VAC14: variants seen among roughly 807,000 people sequenced by gnomAD.
VAC14 encodes the protein VAC14 component of PIKFYVE complex.
VAC14 carries 47 observed loss-of-function variants against 85.3 expected under a neutral mutation model. The observed-to-expected ratio is 0.55, with a 90% CI of 0.44 to 0.70. VAC14 has a LOEUF of 0.70. VAC14 is among the 30% of genes least tolerant of loss of function. The pLI, the probability that VAC14 is intolerant of heterozygous loss-of-function variation, is 0.00. For missense variants in VAC14, 861 were observed against 1,004.3 expected (o/e 0.86, Z 1.93); for synonymous variants, 447 against 430.5 (o/e 1.04, Z -0.47).
rs912205556 is a variant in VAC14 at position 70,784,893 on chromosome 16, C to G, written c.424-55G>C. The G allele has an allele frequency of 4.3e-5, 65 of 1,517,404 alleles. No homozygotes were observed. The Admixed American group carries it at 1.1e-3, about 25-fold the overall frequency. The allele number at this position is 1,517,404 out of a possible 1,614,324, so 94.0% of individuals were successfully genotyped here. ...CAGAGGCGAGGGTCACGGTTGGATG[C>G]AAGACCAGGGATTTCCTGCAAATCC... is the stretch of plus-strand genomic sequence containing the variant. On this transcript the variant is annotated intron_variant, in intron 3 of 18. Coordinates refer to ENST00000261776, the MANE Select transcript of VAC14 (RefSeq NM_018052.5).
chr16:70,790,874 C>T (rs2034303970), intron 1 of VAC14, among the ~76,000 whole-genome samples: 1 of 152,206 alleles, frequency 6.6e-6, no homozygotes, highest in Non-Finnish European at 1.5e-5. Context: ...TTCTTCATCT[C>T]CAGGAAAACA....
intron 17 of VAC14, among the ~76,000 whole-genome samples, chr16:70,693,374 TCTCCAGTTGG>T (rs2142986722): frequency 6.6e-6 from 1 of 152,284 alleles, no homozygotes; most frequent in South Asian, 2.1e-4. Flanking sequence ...TGTAACATAT[TCTCCAGTTGG>T]CTCCACACGT....
intron 14 of VAC14, chr16:70,714,059 T>G (rs2054096260): frequency 6.6e-6 from 1 of 152,210 alleles, no homozygotes. Context: ...ACTCGGCAGC[T>G]GCTCCAGCGC....
rs1160850694 is a variant in VAC14, at chr16:70,692,952, C to T, written c.2055G>A (p.Leu685=). The change falls in exon 18 of 19, where the codon CTG becomes CTA. Residue 685 remains leucine (L), a synonymous_variant. Coordinates refer to ENST00000261776, the MANE Select transcript of VAC14 (RefSeq NM_018052.5). ...PIFTYLRLQL[L]DVKNNPYLIK... is the part of the protein sequence containing the mutation. The stretch of plus-strand genomic sequence containing the variant: ...TCAGGTAGGGGTTGTTCTTCACGTC[C>T]AGCAGCTGCAGGCGCAGATCTGGGG... 8 of 1,611,140 alleles carry T rather than the reference C, an allele frequency of 5.0e-6. No individual in the cohort carries two copies. The highest frequency in any genetic ancestry group is 5.1e-6 in the Non-Finnish European group (6 of 1,179,460).
At chr16:70,754,592 C>G (rs2031674577) in intron 12 of VAC14, among the ~76,000 whole-genome samples, 1 of 152,090 alleles carries the variant, frequency 6.6e-6, no homozygotes, top group Admixed American at 6.5e-5. Context: ...GGCAGTGTCC[C>G]CTGCCCACGG....
chr16:70,740,323 G>C (rs1426525032), intron 13 of VAC14, among the ~76,000 whole-genome samples: 1 of 152,214 alleles, frequency 6.6e-6, no homozygotes, highest in Non-Finnish European at 1.5e-5. Context: ...GGAAGACTGG[G>C]TTTTAGGGGC....
At chr16:70,746,507 C>A (rs989175187) in intron 12 of VAC14, among the ~76,000 whole-genome samples, 1 of 152,204 alleles carries the variant, frequency 6.6e-6, no homozygotes, top group Non-Finnish European at 1.5e-5. Context: ...GATGAATCCA[C>A]GTGGCTGAGA....
chr16:70,748,947 C>CT (rs1416430523), intron 12 of VAC14, among the ~76,000 whole-genome samples: 3 of 151,960 alleles, frequency 2.0e-5, no homozygotes, highest in Non-Finnish European at 4.4e-5. Context: ...AAAAACAAAA[C>CT]AAAACAAAAA....
At chr16:70,756,468 C>T (rs1426710386) in intron 12 of VAC14, among the ~76,000 whole-genome samples, 4 of 152,206 alleles carry the variant, frequency 2.6e-5, no homozygotes, top group South Asian at 2.1e-4. Flanking sequence ...CAAAGCAAAT[C>T]GCACCTTAAA....
At chr16:70,696,991 C>T in intron 16 of VAC14, 148 bp downstream of exon 16, 1 of 635,968 alleles carries the variant, frequency 1.6e-6, no homozygotes, top group Non-Finnish European at 2.8e-6. Flanking sequence ...AGTGTCCTGG[C>T]AGCCCTGATG....
At chr16:70,719,285 C>A (rs769909237) in intron 14 of VAC14, among the ~76,000 whole-genome samples, 1 of 152,136 alleles carries the variant, frequency 6.6e-6, no homozygotes, top group East Asian at 1.9e-4. Flanking sequence ...CAGAAACAGG[C>A]GGCTTCATGG....
rs753282306 is a variant in VAC14 at position 70,731,590 on chromosome 16, G to C, written c.1566C>G (p.Thr522=). 6.2e-7 allele frequency: 1 copy of C among 1,614,010 alleles called. No individual in the cohort carries two copies. The highest frequency in any genetic ancestry group is 8.5e-7 in the Non-Finnish European group (1 of 1,180,042). Residue 522 remains threonine, a synonymous_variant, in exon 14 of 19, where the codon ACC becomes ACG. Transcript: ENST00000261776. ...KGLECSPSTP[T]MNSYFYKFMI... Reference sequence around the variant, plus strand: ...TGAACTTATAAAAGTAAGAATTCATGGTGGGAGTTGAAGGAGAACATTCTA... The same window carrying C: ...TGAACTTATAAAAGTAAGAATTCATCGTGGGAGTTGAAGGAGAACATTCTA...
chr16:70,728,506 G>A (rs894799981), intron 14 of VAC14, among the ~76,000 whole-genome samples: 21 of 152,334 alleles, frequency 1.4e-4, no homozygotes, highest in African/African-American at 4.8e-4. Context: ...GCACTGCAAA[G>A]CAAGCAAAGC....
chr16:70,784,234 G>C lies in VAC14; in HGVS notation c.487-14C>G. On this transcript the variant is annotated splice_polypyrimidine_tract_variant and intron_variant, in intron 4 of 18. Coordinates refer to ENST00000261776, the MANE Select transcript of VAC14 (RefSeq NM_018052.5). ...AGTCACAATGTCCTGTGGATCAGAG[G>C]AAAGTGAGCTGCCGAGAGCCCGAGA... 1 of 1,610,928 alleles carries C rather than the reference G, an allele frequency of 6.2e-7. No individual in the cohort carries two copies. The highest frequency in any genetic ancestry group is 1.3e-5 in the African/African-American group (1 of 74,998).
chr16:70,789,835 G>C (rs554401559), intron 1 of VAC14, among the ~76,000 whole-genome samples: 10 of 152,294 alleles, frequency 6.6e-5, no homozygotes, highest in African/African-American at 2.4e-4. Flanking sequence ...AGGAAGCCAG[G>C]ACATGTTTCC....
intron 9 of VAC14, among the ~76,000 whole-genome samples, chr16:70,773,412 C>T (rs2033348102): frequency 6.6e-6 from 1 of 152,172 alleles, no homozygotes; most frequent in South Asian, 2.1e-4. Flanking sequence ...TAAGGAATAA[C>T]CTTTAAATTC....
intron 14 of VAC14, among the ~76,000 whole-genome samples, chr16:70,707,512 C>T (rs2053943601): frequency 6.6e-6 from 1 of 152,110 alleles, no homozygotes; most frequent in Admixed American, 6.5e-5. Flanking sequence ...AGGTCCCAGA[C>T]ACCTGTGCTG....
chr16:70,744,556 C>A lies in VAC14; in HGVS notation c.1395G>T (p.Val465=). The A allele has an allele frequency of 6.2e-7, 1 of 1,606,730 alleles. No homozygotes were observed. Among genetic ancestry groups the A allele is most frequent in the Non-Finnish European group, 8.5e-7 (1 of 1,176,872 alleles). The change falls in exon 13 of 19, where the codon GTG becomes GTT. Residue 465 remains valine, a synonymous_variant. Coordinates refer to ENST00000261776, the MANE Select transcript of VAC14 (RefSeq NM_018052.5). ...CGGGGGAGGAAGCGATTTCTGCCAGCACCTCCAGGTCCTTCAGGATCACCT... is the reference window on the plus strand; with the variant it reads ...CGGGGGAGGAAGCGATTTCTGCCAGAACCTCCAGGTCCTTCAGGATCACCT... ...SDEVILKDLE[V]LAEIASSPAG... is the part of the protein sequence containing the mutation.
At chr16:70,712,223 G>C (rs1175126350) in intron 14 of VAC14, among the ~76,000 whole-genome samples, 1 of 152,134 alleles carries the variant, frequency 6.6e-6, no homozygotes, top group Admixed American at 6.5e-5. Context: ...AGAAATAAGA[G>C]GGCCCCAGAC....
Sources: allele counts gnomAD v4.1 joint callset (sites outside exome capture counted in the v4.1 genomes callset), GRCh38; gene constraint gnomAD v4.1.1; transcripts MANE v1.5; gene names NCBI Gene and HGNC (gene_info 2026-07-23, HGNC 2026-07-21).